Variants in CILK1 observed in about 807,000 individuals in gnomAD.
CILK1 encodes serine/threonine-protein kinase ICK.
CILK1 carries 47 observed loss-of-function variants against 79.2 expected under a neutral mutation model. The ratio of observed to expected loss-of-function variants is 0.59; its 90% CI spans 0.47 to 0.76. The LOEUF (loss-of-function observed/expected upper bound fraction) is 0.76, where lower values mean the gene tolerates loss of function less well. CILK1 is among the 30% of genes least tolerant of loss of function. The probability of loss-of-function intolerance (pLI) is 0.00; values close to 1 mark genes in which losing one functional copy is unlikely to be tolerated. For missense variants in CILK1, 660 were observed against 769.5 expected (o/e 0.86, Z 1.68); for synonymous variants, 266 against 275.9 (o/e 0.96, Z 0.36).
At chr6:53,053,861 C>T (rs1452215695) in intron 1 of CILK1, among the ~76,000 whole-genome samples, 1 of 152,146 alleles carries the variant, frequency 6.6e-6, no homozygotes, top group African/African-American at 2.4e-5. Context: ...ATCTGCTGTG[C>T]CTCGGGGCAT....
rs995616646 is a variant in CILK1, at chr6:53,009,448, C to T, written c.1612G>A (p.Val538Ile). Residue 538 changes from valine to isoleucine, a missense_variant, in exon 12 of 14, where the codon GTA becomes ATA. Transcript: ENST00000676107. ...SSGTMSVISK[V>I]NSVGSSSTSS... is the part of the protein sequence containing the mutation. ...AATGATCATTACTCACCTGAATTTA[C>T]TTTGCTGATTACTGACATTGTCCCT... The T allele has an allele frequency of 3.1e-6, 5 of 1,614,168 alleles. No homozygotes were observed. The highest frequency in any genetic ancestry group is 4.2e-6 in the Non-Finnish European group (5 of 1,179,986).
At chr6:53,032,323 A>C (rs1332384674) in intron 4 of CILK1, among the ~76,000 whole-genome samples, 1 of 152,106 alleles carries the variant, frequency 6.6e-6, no homozygotes, top group Admixed American at 6.5e-5. Flanking sequence ...AAAGAAAAGC[A>C]CACCAGCATG....
rs900851605 is a variant in CILK1, at chr6:53,004,823, A to G, written c.*326T>C. 1.7e-5 allele frequency: 4 copies of G among 230,528 alleles called. No homozygotes were observed. The highest frequency in any genetic ancestry group is 3.5e-5 in the Non-Finnish European group (4 of 115,810). 14.3% of individuals were successfully genotyped at this position (230,528 alleles called of 1,614,324 possible). A position where few individuals can be genotyped will look rare whatever the true frequency, so the allele number is the denominator to read the frequency against. On this transcript the variant is annotated 3_prime_UTR_variant, in exon 14 of 14. Coordinates refer to ENST00000676107, the MANE Select transcript of CILK1 (RefSeq NM_014920.5). ...TTATCTGGAACCCCAAAGGAAAATCAATTAATTTTTAAAAAGTTCATTACA... is the reference window on the plus strand; with the variant it reads ...TTATCTGGAACCCCAAAGGAAAATCGATTAATTTTTAAAAAGTTCATTACA...
chr6:53,046,883 A>T (rs894536549), intron 1 of CILK1, among the ~76,000 whole-genome samples: 4 of 152,218 alleles, frequency 2.6e-5, no homozygotes, highest in Non-Finnish European at 5.9e-5. Flanking sequence ...AATCCTTCAG[A>T]GAAGAGGTAG....
intron 1 of CILK1, among the ~76,000 whole-genome samples, chr6:53,046,064 G>A (rs890051008): frequency 1.4e-4 from 21 of 152,270 alleles, no homozygotes; most frequent in African/African-American, 4.3e-4. Flanking sequence ...ATATAACGAA[G>A]CTATGTCATA....
Position 53,005,071 on chromosome 6 carries a change from T to C in CILK1, c.*78A>G. 1 of 1,512,676 alleles carries C rather than the reference T, an allele frequency of 6.6e-7. No homozygotes were observed. The highest frequency in any genetic ancestry group is 9.2e-7 in the Non-Finnish European group (1 of 1,091,476). The allele number at this position is 1,512,676 out of a possible 1,614,324, so 93.7% of individuals were successfully genotyped here. ...TTTGCTTTTATGCCCTCTGCACATCTTGCAGGTAGAACACCAGTCAGCTGA... is the reference window on the plus strand; with the variant it reads ...TTTGCTTTTATGCCCTCTGCACATCCTGCAGGTAGAACACCAGTCAGCTGA... On this transcript the variant is annotated 3_prime_UTR_variant, in exon 14 of 14. Coordinates refer to ENST00000676107, the MANE Select transcript of CILK1 (RefSeq NM_014920.5).
chr6:53,018,761 A>G (rs558940548), intron 6 of CILK1, among the ~76,000 whole-genome samples: 121 of 152,370 alleles, frequency 7.9e-4, no homozygotes, highest in African/African-American at 2.9e-3. Flanking sequence ...CAGAGAAAGT[A>G]AGAATTAGGA....
chr6:53,049,206 G>C (rs1489998337), intron 1 of CILK1, among the ~76,000 whole-genome samples: 1 of 152,198 alleles, frequency 6.6e-6, no homozygotes, highest in Non-Finnish European at 1.5e-5. Flanking sequence ...ATCCACTACA[G>C]CTGAAAGCAT....
chr6:53,014,071 G>A, intron 8 of CILK1, 89 bp from the exon 9 acceptor site: 1 of 1,007,502 alleles, frequency 9.9e-7, no homozygotes, highest in Non-Finnish European at 1.5e-6. Context: ...ATTGTGACCA[G>A]TTTACTACTG....
At position 53,041,296 on chromosome 6, in the gene CILK1, G is replaced by T; in HGVS notation, c.-60C>A. ...GCCGAAGTGGTTCAGTTCTGCAGTG[G>T]TAGCAGTCCTCCCCAGAGTGTAACC... On this transcript the variant is annotated 5_prime_UTR_variant, in exon 2 of 14. The change creates a premature stop within an existing upstream ORF in the 5' untranslated region. Coordinates refer to ENST00000676107, the MANE Select transcript of CILK1 (RefSeq NM_014920.5). The T allele has an allele frequency of 8.6e-7, 1 of 1,163,462 alleles. No individual in the cohort carries two copies. Among genetic ancestry groups the T allele is most frequent in the Non-Finnish European group, 1.3e-6 (1 of 776,308 alleles). The allele number at this position is 1,163,462 out of a possible 1,614,324, so 72.1% of individuals were successfully genotyped here.
rs749446147 is a variant in CILK1 at position 53,037,962 on chromosome 6, A to G, written c.133T>C (p.Cys45Arg). 16 of 1,593,596 alleles carry G rather than the reference A, an allele frequency of 1.0e-5. No individual in the cohort carries two copies. The highest frequency in any genetic ancestry group is 1.3e-5 in the Non-Finnish European group (15 of 1,161,430). ...MKRKFYSWEE[C>R]MNLREVKSLK... ...ACCTTAACCTCCCGAAGGTTCATGC[A>G]TTCCTCCCAGGAATAAAATTTTCTT... Residue 45 changes from cysteine (C) to arginine (R), a missense_variant, in exon 3 of 14, where the codon TGC becomes CGC. By Grantham distance (180) the Cys-to-Arg change is radical. Transcript: ENST00000676107.
intron 1 of CILK1, among the ~76,000 whole-genome samples, chr6:53,045,308 C>T (rs1766986995): frequency 1.3e-5 from 2 of 152,162 alleles, no homozygotes; most frequent in South Asian, 2.1e-4. Context: ...CATTTGTTTT[C>T]CCCTTTTTCT....
intron 5 of CILK1, among the ~76,000 whole-genome samples, chr6:53,024,014 C>T (rs1765412485): frequency 6.6e-6 from 1 of 152,282 alleles, no homozygotes; most frequent in South Asian, 2.1e-4. Flanking sequence ...CTTTTATTTT[C>T]CACAATCCAA....
intron 9 of CILK1, 53 bp from the exon 10 acceptor site, chr6:53,012,280 A>C: frequency 2.2e-5 from 33 of 1,517,072 alleles, no homozygotes; most frequent in Non-Finnish European, 2.8e-5. Flanking sequence ...AACAGAACTC[A>C]TCCATGAGTA....
chr6:53,025,215 C>A (rs561513993), intron 5 of CILK1, among the ~76,000 whole-genome samples: 2 of 152,116 alleles, frequency 1.3e-5, no homozygotes, highest in Admixed American at 6.5e-5. Context: ...CCCTTTTTCT[C>A]ATTTAGTTGG....
chr6:53,025,955 G>A (rs1252933793), intron 5 of CILK1, among the ~76,000 whole-genome samples: 1 of 152,058 alleles, frequency 6.6e-6, no homozygotes, highest in African/African-American at 2.4e-5. Context: ...CCTTATGAGC[G>A]GCAATGCCAC....
rs535952694 is a variant in CILK1 at position 53,019,516 on chromosome 6, C to T, written c.359-157G>A. Among the ~76,000 whole-genome samples the T allele has an allele frequency of 2.6e-5, 4 of 152,308 alleles. No homozygotes were observed. The South Asian group carries it at 8.3e-4, about 32-fold the overall frequency. On this transcript the variant is annotated intron_variant, in intron 5 of 13. Transcript: ENST00000676107. ...TTCATCCCACAGATAATGTAGAGTC[C>T]TTCGAACTTCTCATAGGATTACTAC...
At chr6:53,042,081 G>T (rs1766757085) in intron 1 of CILK1, among the ~76,000 whole-genome samples, 1 of 152,110 alleles carries the variant, frequency 6.6e-6, no homozygotes, top group Admixed American at 6.5e-5. Flanking sequence ...AATTGGTTTT[G>T]TTATATGTTG....
At chr6:53,019,846 TG>T (rs1418335885) in intron 5 of CILK1, among the ~76,000 whole-genome samples, 29 of 146,710 alleles carry the variant, frequency 2.0e-4, no homozygotes, top group Admixed American at 2.0e-4. Context: ...TTTTTTTTTT[TG>T]TTTTTGTAAA....
Sources: gnomAD v4.1 joint callset for allele counts (sites outside exome capture counted in the v4.1 genomes callset) on GRCh38, gnomAD v4.1.1 for gene constraint, MANE v1.5 for transcripts, NCBI Gene and HGNC (gene_info 2026-07-23, HGNC 2026-07-21) for gene names.